The following PCDH7 variants were observed in gnomAD, a reference collection of about 807,000 sequenced individuals.
The protein encoded by PCDH7 is protocadherin-7.
In PCDH7, 17 loss-of-function variants were observed where a neutral mutation model predicts 58.9. The ratio of observed to expected loss-of-function variants is 0.29; its 90% CI spans 0.20 to 0.43. The LOEUF (loss-of-function observed/expected upper bound fraction) is 0.43. PCDH7 is among the 20% of genes least tolerant of loss of function. The pLI is 1.00. For synonymous variants in PCDH7, 664 were observed against 616.4 expected, an observed-to-expected ratio of 1.08 and a Z score of -1.14; for missense variants, 1,274 against 1,441.0, an observed-to-expected ratio of 0.88 and a Z score of 1.88.
At chr4:30,879,664 G>A (rs1440052813) in intron 1 of PCDH7, among the ~76,000 whole-genome samples, 1 of 152,076 alleles carries the variant, frequency 6.6e-6, no homozygotes, top group Non-Finnish European at 1.5e-5. Flanking sequence ...TCGCCATGAT[G>A]ATATGCAATA....
chr4:31,032,807 T>C (rs992120262), intron 3 of PCDH7, among the ~76,000 whole-genome samples: 2 of 152,070 alleles, frequency 1.3e-5, no homozygotes, highest in Non-Finnish European at 2.9e-5. Context: ...CTTGAAACAA[T>C]CCATTTTATA....
At chr4:31,033,038 G>T (rs1254309409) in intron 3 of PCDH7, among the ~76,000 whole-genome samples, 1 of 152,050 alleles carries the variant, frequency 6.6e-6, no homozygotes, top group Non-Finnish European at 1.5e-5. Flanking sequence ...AGGAATCATA[G>T]TGTGTTGGTA....
chr4:31,010,107 A>G (rs1327346656), intron 3 of PCDH7, among the ~76,000 whole-genome samples: 4 of 152,064 alleles, frequency 2.6e-5, no homozygotes, highest in South Asian at 4.1e-4. Context: ...TGTCCTTCTT[A>G]TTGTATTGAG....
intron 2 of PCDH7, among the ~76,000 whole-genome samples, chr4:30,945,925 T>C (rs895840756): frequency 2.0e-5 from 3 of 152,148 alleles, no homozygotes; most frequent in Non-Finnish European, 4.4e-5. Flanking sequence ...TATAACATTA[T>C]GGACATTATG....
chr4:30,909,161 G>T (rs1741391670), intron 1 of PCDH7, among the ~76,000 whole-genome samples: 1 of 152,028 alleles, frequency 6.6e-6, no homozygotes, highest in South Asian at 2.1e-4. Flanking sequence ...CAATAAACTA[G>T]GTATTGATGG....
chr4:30,759,602 G>T (rs1553880874), intron 1 of PCDH7, among the ~76,000 whole-genome samples: 1 of 151,790 alleles, frequency 6.6e-6, no homozygotes, highest in Non-Finnish European at 1.5e-5. Context: ...TGTGTGAAAA[G>T]AAAAAAATCT....
At chr4:31,140,278 T>C (rs765940948) in intron 3 of PCDH7, among the ~76,000 whole-genome samples, 76 of 152,084 alleles carry the variant, frequency 5.0e-4, no homozygotes, top group Non-Finnish European at 5.1e-4. Context: ...AATTAATCCC[T>C]GAAAAGCAGC....
intron 1 of PCDH7, among the ~76,000 whole-genome samples, chr4:30,799,519 A>C (rs1725253291): frequency 6.6e-6 from 1 of 152,092 alleles, no homozygotes; most frequent in South Asian, 2.1e-4. Flanking sequence ...TATATCATAA[A>C]ATTTATACAA....
intron 3 of PCDH7, among the ~76,000 whole-genome samples, chr4:30,979,546 G>A (rs1030047066): frequency 4.0e-5 from 6 of 151,788 alleles, no homozygotes; most frequent in Non-Finnish European, 8.8e-5. Flanking sequence ...TCTGATAATA[G>A]AGAACGTATT....
chr4:30,740,587 T>G (rs541789579), intron 1 of PCDH7, among the ~76,000 whole-genome samples: 9 of 152,216 alleles, frequency 5.9e-5, no homozygotes, highest in African/African-American at 2.2e-4. Context: ...GATAGGAAAA[T>G]GCCTTTTCAT....
At chr4:31,028,892 G>T (rs936245537) in intron 3 of PCDH7, among the ~76,000 whole-genome samples, 1 of 152,060 alleles carries the variant, frequency 6.6e-6, no homozygotes, top group Non-Finnish European at 1.5e-5. Flanking sequence ...TCATAAAAGC[G>T]ATTATCCCAG....
downstream of PCDH7, chr4:31,144,502 C>T (rs1720548510): frequency 6.6e-6 from 1 of 152,154 alleles, no homozygotes; most frequent in South Asian, 2.1e-4. Flanking sequence ...AGAGAACAAA[C>T]TTATCACTGA....
At chr4:30,746,979 T>G (rs1262635605) in intron 1 of PCDH7, among the ~76,000 whole-genome samples, 7 of 152,190 alleles carry the variant, frequency 4.6e-5, no homozygotes, top group Non-Finnish European at 2.9e-5. Flanking sequence ...TAGTAGTGAA[T>G]TCTTTAGTGA....
downstream of PCDH7, among the ~76,000 whole-genome samples, chr4:30,736,604 C>T (rs530287776): frequency 4.7e-4 from 70 of 148,716 alleles, no homozygotes; most frequent in Non-Finnish European, 9.6e-4. Context: ...TCCGCGATCT[C>T]GGCTCACTGC....
chr4:31,133,495 G>A (rs1415208924), intron 3 of PCDH7, among the ~76,000 whole-genome samples: 2 of 152,156 alleles, frequency 1.3e-5, no homozygotes, highest in Admixed American at 6.5e-5. Flanking sequence ...GGTTATTGTG[G>A]AATATATGCC....
At chr4:31,065,323 A>AT (rs1260091068) in intron 3 of PCDH7, among the ~76,000 whole-genome samples, 1 of 152,016 alleles carries the variant, frequency 6.6e-6, no homozygotes, top group Non-Finnish European at 1.5e-5. Context: ...CAGCACTTTA[A>AT]TAGCAGTGCT....
intron 1 of PCDH7, among the ~76,000 whole-genome samples, chr4:30,866,347 G>A (rs1734876787): frequency 1.3e-5 from 2 of 151,962 alleles, no homozygotes; most frequent in African/African-American, 2.4e-5. Flanking sequence ...AAGAAGTATT[G>A]CTATTAATAT....
At chr4:30,968,071 AT>A (rs1008382335) in intron 3 of PCDH7, among the ~76,000 whole-genome samples, 2 of 151,936 alleles carry the variant, frequency 1.3e-5, no homozygotes, top group African/African-American at 4.8e-5. Flanking sequence ...TTCATTAAAA[AT>A]ATATCCCTAA....
At chr4:31,096,290 T>C (rs746458861) in intron 3 of PCDH7, among the ~76,000 whole-genome samples, 2 of 152,198 alleles carry the variant, frequency 1.3e-5, no homozygotes, top group African/African-American at 2.4e-5. Flanking sequence ...GTTTACCTTT[T>C]ACCAAGTTTT....
Sources: allele counts gnomAD v4.1 joint callset (sites outside exome capture counted in the v4.1 genomes callset), GRCh38; gene constraint gnomAD v4.1.1; transcripts MANE v1.5; gene names NCBI Gene and HGNC (gene_info 2026-07-23, HGNC 2026-07-21).